MMADHC: variants seen among roughly 807,000 people sequenced by gnomAD.
MMADHC encodes cobalamin trafficking protein CblD.
MMADHC carries 23 observed loss-of-function variants against 36.3 expected under a neutral mutation model. The ratio of observed to expected loss-of-function variants is 0.63; its 90% CI spans 0.46 to 0.90. MMADHC has a LOEUF of 0.90. Among genes scored for constraint, MMADHC ranks in the 40% least tolerant of loss-of-function variants. The pLI is 0.00. For synonymous variants in MMADHC, 97 were observed against 116.1 expected, an observed-to-expected ratio of 0.84 and a Z score of 1.06; for missense variants, 330 against 348.0, an observed-to-expected ratio of 0.95 and a Z score of 0.41.
At chr2:149,585,799 C>A (rs891993766) in intron 2 of MMADHC, among the ~76,000 whole-genome samples, 4 of 152,182 alleles carry the variant, frequency 2.6e-5, no homozygotes, top group African/African-American at 9.6e-5. Flanking sequence ...TAAATTAACA[C>A]AAAAATTGTT....
intron 3 of MMADHC, among the ~76,000 whole-genome samples, chr2:149,581,048 A>G (rs1292683373): frequency 1.3e-5 from 2 of 152,218 alleles, no homozygotes; most frequent in Non-Finnish European, 2.9e-5. Flanking sequence ...ATGGTTTTTA[A>G]AAGTCTAACA....
chr2:149,575,635 A>G, intron 6 of MMADHC, 76 bp downstream of exon 6: 3 of 1,220,850 alleles, frequency 2.5e-6, no homozygotes, highest in Non-Finnish European at 3.5e-6. Context: ...AATGACAGTC[A>G]TCATTTTAAG....
chr2:149,575,650 T>C lies in MMADHC; in HGVS notation c.609+61A>G, dbSNP rs1682703548. On this transcript the variant is annotated intron_variant, in intron 6 of 7. Transcript: ENST00000303319. Reference sequence around the variant, plus strand: ...AATGACAGTCATCATTTTAAGACATTGGTTCACTATTACTTAAATAATGAC... The same window carrying C: ...AATGACAGTCATCATTTTAAGACATCGGTTCACTATTACTTAAATAATGAC... 3 of 1,364,652 alleles carry C rather than the reference T, an allele frequency of 2.2e-6. No homozygotes were observed. The South Asian group carries it at 4.0e-5, about 18-fold the overall frequency. The allele number at this position is 1,364,652 out of a possible 1,614,324, so 84.5% of individuals were successfully genotyped here. A position where few individuals can be genotyped will look rare whatever the true frequency, so the allele number is the denominator to read the frequency against.
chr2:149,587,201 A>G, intron 1 of MMADHC, 52 bp from the exon 2 acceptor site: 2 of 1,117,808 alleles, frequency 1.8e-6, no homozygotes, highest in South Asian at 2.5e-5. Context: ...CTCTAACAAC[A>G]GACAACTGAG....
chr2:149,575,874 A>G (rs755016520), intron 5 of MMADHC, 33 bp from the exon 6 acceptor site: 234 of 1,524,290 alleles, frequency 1.5e-4, no homozygotes, highest in Non-Finnish European at 2.1e-4. Flanking sequence ...CAGGTAGAAA[A>G]GAATTTGATT....
chr2:149,574,591 T>C (rs1682687548), intron 6 of MMADHC, among the ~76,000 whole-genome samples: 1 of 152,206 alleles, frequency 6.6e-6, no homozygotes, highest in African/African-American at 2.4e-5. Flanking sequence ...CAGGGTAAGC[T>C]AGCATGACAG....
intron 1 of MMADHC, 196 bp downstream of exon 1, chr2:149,587,468 G>C (rs1247479651): frequency 8.5e-6 from 3 of 353,496 alleles, no homozygotes; most frequent in Non-Finnish European, 1.1e-5. Flanking sequence ...CAGAAGTTGG[G>C]GCTGCGTAAC....
rs2105054394 is a variant in MMADHC, at chr2:149,587,764, A to ACT, written c.-154_-153insAG. ...GGTGGTAGCACCTACGCTGGCGGTG[A>ACT]GCAGGCAAAGGAAGTTGCTTCCGAG... On this transcript the variant is annotated 5_prime_UTR_variant, in exon 1 of 8. Transcript: ENST00000303319. The ACT allele has an allele frequency of 6.5e-6, 1 of 153,068 alleles. No individual in the cohort carries two copies. The highest frequency in any genetic ancestry group is 2.0e-4 in the South Asian group (1 of 4,952). The allele number at this position is 153,068 out of a possible 1,614,324, so 9.5% of individuals were successfully genotyped here. A position where few individuals can be genotyped will look rare whatever the true frequency, so the allele number is the denominator to read the frequency against.
intron 1 of MMADHC, 60 bp from the exon 2 acceptor site, chr2:149,587,209 G>A (rs563854539): frequency 6.7e-5 from 69 of 1,035,742 alleles, no homozygotes; most frequent in Non-Finnish European, 9.7e-5. Context: ...ACAGACAACT[G>A]AGGTAACGTC....
At chr2:149,582,021 C>T (rs1429298226) in intron 3 of MMADHC, 106 bp downstream of exon 3, 10 of 1,290,530 alleles carry the variant, frequency 7.7e-6, no homozygotes, top group Non-Finnish European at 1.1e-5. Flanking sequence ...TGAACAAACA[C>T]AACTTTAGAA....
At chr2:149,575,579 T>A (rs1682702284) in intron 6 of MMADHC, 132 bp downstream of exon 6, 1 of 657,752 alleles carries the variant, frequency 1.5e-6, no homozygotes, top group Non-Finnish European at 2.4e-6. Flanking sequence ...AAGATGTAAG[T>A]CCTTTAGTAT....
At chr2:149,571,779 CA>C (rs36110129) in intron 6 of MMADHC, among the ~76,000 whole-genome samples, 3 of 57,606 alleles carry the variant, frequency 5.2e-5, no homozygotes, top group South Asian at 7.1e-4. Context: ...GACTCCATCT[CA>C]AAAAAAAAAG....
rs934604485 is a variant in MMADHC, at chr2:149,574,573, C to G, written c.609+1138G>C. ...AGCTAACCTGAGTTGGAAAGAACTG[C>G]TAACACCCAGGGTAAGCTAGCATGA... On this transcript the variant is annotated intron_variant, in intron 6 of 7. Coordinates refer to ENST00000303319, the MANE Select transcript of MMADHC (RefSeq NM_015702.3). Among the ~76,000 whole-genome samples the G allele has an allele frequency of 3.3e-5, 5 of 151,994 alleles. No individual in the cohort carries two copies. The South Asian group carries it at 6.2e-4, about 19-fold the overall frequency.
At position 149,579,575 on chromosome 2, in the gene MMADHC, C is replaced by T; in HGVS notation, c.228G>A (p.Gly76=). 6.2e-7 allele frequency: 1 copy of T among 1,614,000 alleles called. No homozygotes were observed. Among genetic ancestry groups the T allele is most frequent in the South Asian group, 1.1e-5 (1 of 91,086 alleles). Reference sequence around the variant, plus strand: ...TGAGGTGACAATCAAAACCTATGTTCCCAGGAAGCTGGAACCTCTGATCTT... The same window carrying T: ...TGAGGTGACAATCAAAACCTATGTTTCCAGGAAGCTGGAACCTCTGATCTT... The part of the protein sequence containing the change: ...GPQDQRFQLP[G]NIGFDCHLNG... The change falls in exon 4 of 8, where the codon GGG becomes GGA. Residue 76 remains glycine, a synonymous_variant. Transcript: ENST00000303319.
At chr2:149,577,126 A>C (rs958686775) in intron 4 of MMADHC, among the ~76,000 whole-genome samples, 1 of 152,220 alleles carries the variant, frequency 6.6e-6, no homozygotes, top group Non-Finnish European at 1.5e-5. Context: ...AATAAATGCA[A>C]TTAAATATGA....
chr2:149,576,755 A>G (rs1682724806), intron 4 of MMADHC, among the ~76,000 whole-genome samples: 1 of 152,248 alleles, frequency 6.6e-6, no homozygotes. Flanking sequence ...ATGTGAATAC[A>G]GCAGAGCATG....
chr2:149,573,051 T>G lies in MMADHC; in HGVS notation c.610-1880A>C, dbSNP rs137894606. ...AGATGCTTTAACACAAGGGTAGAGCTGGGTAGCTGAGACCCTAGGGCCTAT... is the reference window on the plus strand; with the variant it reads ...AGATGCTTTAACACAAGGGTAGAGCGGGGTAGCTGAGACCCTAGGGCCTAT... On this transcript the variant is annotated intron_variant, in intron 6 of 7. Transcript: ENST00000303319. Among the ~76,000 whole-genome samples, 8 of 152,268 alleles carry G rather than the reference T, an allele frequency of 5.3e-5. No individual in the cohort carries two copies. The East Asian group carries it at 1.5e-3, about 29-fold the overall frequency.
intron 2 of MMADHC, among the ~76,000 whole-genome samples, chr2:149,585,787 T>C (rs999289009): frequency 6.6e-6 from 1 of 152,220 alleles, no homozygotes; most frequent in Admixed American, 6.5e-5. Context: ...TTACAATCCA[T>C]ATAAATTAAC....
At chr2:149,582,629 C>G (rs1200644764) in intron 2 of MMADHC, among the ~76,000 whole-genome samples, 3 of 152,116 alleles carry the variant, frequency 2.0e-5, no homozygotes, top group Non-Finnish European at 4.4e-5. Context: ...ATAAAGAACT[C>G]TCAAGACATC....
Sources: allele counts gnomAD v4.1 joint callset (sites outside exome capture counted in the v4.1 genomes callset), GRCh38; gene constraint gnomAD v4.1.1; transcripts MANE v1.5; gene names NCBI Gene and HGNC (gene_info 2026-07-23, HGNC 2026-07-21).